GABRB1: variants seen among roughly 807,000 people sequenced by gnomAD.
GABRB1 encodes the protein gamma-aminobutyric acid receptor subunit beta-1.
A neutral mutation model predicts 51.6 loss-of-function variants in GABRB1; 17 were observed. The observed-to-expected ratio is 0.33, with a 90% CI of 0.23 to 0.49. The LOEUF (loss-of-function observed/expected upper bound fraction) is 0.49. Among genes scored for constraint, GABRB1 ranks in the 20% least tolerant of loss-of-function variants. GABRB1 has a pLI of 0.99. For missense variants in GABRB1, 410 were observed against 600.6 expected, an observed-to-expected ratio of 0.68 and a Z score of 3.32; for synonymous variants, 247 against 218.9, an observed-to-expected ratio of 1.13 and a Z score of -1.14.
intron 1 of GABRB1, among the ~76,000 whole-genome samples, chr4:47,007,447 G>A (rs1274406459): frequency 6.6e-6 from 1 of 152,056 alleles, no homozygotes; most frequent in African/African-American, 2.4e-5. Flanking sequence ...GTAACTAAAG[G>A]AACAAACAGG....
At chr4:47,394,761 C>T (rs1479406693) in intron 5 of GABRB1, among the ~76,000 whole-genome samples, 2 of 150,848 alleles carry the variant, frequency 1.3e-5, no homozygotes, top group Non-Finnish European at 2.9e-5. Flanking sequence ...GGAGAAATTT[C>T]TCTCAGGCTT....
chr4:47,378,581 G>A (rs564610241), intron 5 of GABRB1, among the ~76,000 whole-genome samples: 5 of 152,296 alleles, frequency 3.3e-5, no homozygotes, highest in African/African-American at 9.6e-5. Flanking sequence ...GAGAGCCAGC[G>A]AGGGCTGTGA....
chr4:47,145,849 A>G (rs1488011421), intron 3 of GABRB1, among the ~76,000 whole-genome samples: 1 of 152,076 alleles, frequency 6.6e-6, no homozygotes, highest in African/African-American at 2.4e-5. Context: ...AACTTGTGAC[A>G]TGAGAGAAAT....
At chr4:47,370,191 G>A (rs1342847629) in intron 5 of GABRB1, among the ~76,000 whole-genome samples, 1 of 152,174 alleles carries the variant, frequency 6.6e-6, no homozygotes. Context: ...CTGCATCTTA[G>A]TAAGGCATTT....
In GABRB1 at chr4:47,125,559, C is replaced by CTTTTTTTTTTTTTTTTTT. The variant is rs71195605; in HGVS notation, c.241-35676_241-35675insTTTTTTTTTTTTTTTTTT. On this transcript the variant is annotated intron_variant, in intron 3 of 8. Coordinates refer to ENST00000295454, the MANE Select transcript of GABRB1 (RefSeq NM_000812.4). ...CTCTAGACACAACAAAGTATAATTTCTTTTTTTTTTTTTTGAGACGGAGTC... is the reference window on the plus strand; with the variant it reads ...CTCTAGACACAACAAAGTATAATTTCTTTTTTTTTTTTTTTTTTTTTTTTTTTTTTTTGAGACGGAGTC... Among the ~76,000 whole-genome samples, 13 of 80,714 alleles carry CTTTTTTTTTTTTTTTTTT rather than the reference C, an allele frequency of 1.6e-4. 1 individual carries two copies. The highest frequency in any genetic ancestry group is 1.2e-3 in the East Asian group (3 of 2,600). 53.0% of individuals were successfully genotyped at this position (80,714 alleles called of 152,430 possible). A position where few individuals can be genotyped will look rare whatever the true frequency, so the allele number is the denominator to read the frequency against.
chr4:47,080,525 TC>T (rs1727785317), intron 3 of GABRB1, among the ~76,000 whole-genome samples: 2 of 152,202 alleles, frequency 1.3e-5, no homozygotes, highest in Admixed American at 6.5e-5. Flanking sequence ...AGCATGGTCG[TC>T]CATGTAATCT....
intron 4 of GABRB1, among the ~76,000 whole-genome samples, chr4:47,223,243 C>T (rs1314989047): frequency 2.0e-5 from 3 of 151,872 alleles, no homozygotes; most frequent in Non-Finnish European, 2.9e-5. Flanking sequence ...TCATTAGAAT[C>T]GAAAGTATAT....
chr4:47,384,303 G>T (rs1216239190), intron 5 of GABRB1, among the ~76,000 whole-genome samples: 1 of 151,424 alleles, frequency 6.6e-6, no homozygotes, highest in Non-Finnish European at 1.5e-5. Flanking sequence ...CACTGATTTT[G>T]GCAGGTTGAG....
chr4:47,362,125 CA>C (rs1422706221), intron 5 of GABRB1, among the ~76,000 whole-genome samples: 1 of 152,096 alleles, frequency 6.6e-6, no homozygotes, highest in Non-Finnish European at 1.5e-5. Flanking sequence ...AAAACAATAT[CA>C]GAGAAGCCAC....
chr4:47,051,171 G>A (rs1186496657), intron 3 of GABRB1, among the ~76,000 whole-genome samples: 1 of 152,162 alleles, frequency 6.6e-6, no homozygotes, highest in African/African-American at 2.4e-5. Flanking sequence ...AAAAAAGACG[G>A]GGATTTCAGA....
intron 4 of GABRB1, among the ~76,000 whole-genome samples, chr4:47,247,821 G>T (rs553402563): frequency 1.3e-5 from 2 of 152,068 alleles, no homozygotes; most frequent in East Asian, 3.9e-4. Flanking sequence ...TCTCTGCTTG[G>T]TCGTTGTTGG....
intron 4 of GABRB1, among the ~76,000 whole-genome samples, chr4:47,295,665 C>A (rs964241442): frequency 4.7e-4 from 72 of 152,168 alleles, no homozygotes; most frequent in African/African-American, 1.6e-3. Flanking sequence ...GAGAATGGAA[C>A]CAAGTTAGAA....
At chr4:47,417,934 G>A (rs867155323) in intron 8 of GABRB1, among the ~76,000 whole-genome samples, 12 of 152,230 alleles carry the variant, frequency 7.9e-5, no homozygotes, top group South Asian at 2.1e-4. Context: ...TCAATTCAGT[G>A]AGTGGCAACA....
chr4:47,300,854 G>C (rs895321939), intron 4 of GABRB1, among the ~76,000 whole-genome samples: 6 of 152,004 alleles, frequency 3.9e-5, no homozygotes, highest in East Asian at 1.9e-4. Context: ...GCTCAAAATG[G>C]ACAAAGAGGC....
upstream of GABRB1, among the ~76,000 whole-genome samples, chr4:47,026,645 T>C (rs1411790877): frequency 6.6e-6 from 1 of 151,990 alleles, no homozygotes; most frequent in Admixed American, 6.6e-5. Flanking sequence ...CAAATCAGGA[T>C]TTGCAGAGTA....
chr4:47,146,925 G>A (rs1460185569), intron 3 of GABRB1, among the ~76,000 whole-genome samples: 4 of 152,040 alleles, frequency 2.6e-5, no homozygotes, highest in Non-Finnish European at 5.9e-5. Flanking sequence ...GTGTTAGTGT[G>A]ACTATTCAGT....
intron 4 of GABRB1, among the ~76,000 whole-genome samples, chr4:47,275,423 T>C (rs1485753090): frequency 6.6e-6 from 1 of 152,124 alleles, no homozygotes; most frequent in East Asian, 1.9e-4. Flanking sequence ...ACAAGCTGAG[T>C]GACTTTGGGC....
intron 4 of GABRB1, among the ~76,000 whole-genome samples, chr4:47,228,747 C>G (rs996583289): frequency 1.3e-5 from 2 of 152,038 alleles, no homozygotes; most frequent in African/African-American, 4.8e-5. Context: ...AGGATGATCT[C>G]GAGCTCTCAG....
intron 4 of GABRB1, among the ~76,000 whole-genome samples, chr4:47,269,220 T>G (rs1003547726): frequency 1.3e-5 from 2 of 152,226 alleles, no homozygotes; most frequent in Non-Finnish European, 2.9e-5. Flanking sequence ...TATTTAATTC[T>G]CAGAAGAAAT....
Sources: allele counts gnomAD v4.1 joint callset (sites outside exome capture counted in the v4.1 genomes callset), GRCh38; gene constraint gnomAD v4.1.1; transcripts MANE v1.5; gene names NCBI Gene and HGNC (gene_info 2026-07-23, HGNC 2026-07-21).